DOCK3: variants seen among roughly 807,000 people sequenced by gnomAD.
The protein encoded by DOCK3 is dedicator of cytokinesis protein 3.
Under a neutral mutation model 265.6 loss-of-function variants are expected in DOCK3, and 60 were observed. The observed-to-expected ratio is 0.23, with a 90% confidence interval of 0.18 to 0.28. DOCK3 has a LOEUF of 0.28. Among genes scored for constraint, DOCK3 ranks in the 10% least tolerant of loss-of-function variants. The pLI, the probability that DOCK3 is intolerant of heterozygous loss-of-function variation, is 1.00. For missense variants in DOCK3, 1,981 were observed against 2,594.3 expected (o/e 0.76, Z 5.14); for synonymous variants, 881 against 938.0 (o/e 0.94, Z 1.11).
At chr3:50,792,549 C>T (rs575663729) in intron 2 of DOCK3, among the ~76,000 whole-genome samples, 1 of 152,316 alleles carries the variant, frequency 6.6e-6, no homozygotes, top group East Asian at 1.9e-4. Flanking sequence ...AAGGGGAATG[C>T]TTCCAGCTTT....
chr3:51,089,425 C>G (rs1268166351), intron 8 of DOCK3, 141 bp downstream of exon 8: 2 of 1,042,898 alleles, frequency 1.9e-6, no homozygotes, highest in Non-Finnish European at 2.8e-6. Flanking sequence ...GCTTTGACCT[C>G]TAAACAGTTT....
At chr3:51,165,263 G>C (rs184716946) in intron 12 of DOCK3, among the ~76,000 whole-genome samples, 35 of 152,256 alleles carry the variant, frequency 2.3e-4, no homozygotes, top group South Asian at 1.2e-3. Context: ...TTCTGAAATG[G>C]GTGAAGGCCC....
rs1405131613 is a variant in DOCK3, at chr3:51,383,754, T to G, written c.*2195T>G. 6.6e-6 allele frequency: 1 copy of G among 152,642 alleles called. No homozygotes were observed. Among genetic ancestry groups the G allele is most frequent in the African/African-American group, 2.4e-5 (1 of 41,464 alleles). 9.5% of individuals were successfully genotyped at this position (152,642 alleles called of 1,614,324 possible). A position where few individuals can be genotyped will look rare whatever the true frequency, so the allele number is the denominator to read the frequency against. Reference sequence around the variant, plus strand: ...CAGAGATGAGAACCCTTTGAAAAGATTGTAAAATACTGATTTTCATTCTTT... The same window carrying G: ...CAGAGATGAGAACCCTTTGAAAAGAGTGTAAAATACTGATTTTCATTCTTT... On this transcript the variant is annotated 3_prime_UTR_variant, in exon 53 of 53. Coordinates refer to ENST00000266037, the MANE Select transcript of DOCK3 (RefSeq NM_004947.5).
At chr3:50,895,876 GT>G (rs1559782015) in intron 4 of DOCK3, among the ~76,000 whole-genome samples, 1 of 152,058 alleles carries the variant, frequency 6.6e-6, no homozygotes, top group Admixed American at 6.6e-5. Context: ...ATAGTATTCC[GT>G]GGTGTGTATG....
chr3:51,080,806 T>C (rs188548122), intron 7 of DOCK3, among the ~76,000 whole-genome samples: 6 of 152,136 alleles, frequency 3.9e-5, no homozygotes, highest in Admixed American at 3.9e-4. Context: ...CTCCTGGATA[T>C]AAAATAAAAC....
At chr3:50,937,225 C>T in intron 5 of DOCK3, among the ~76,000 whole-genome samples, 1 of 136,790 alleles carries the variant, frequency 7.3e-6, no homozygotes, top group East Asian at 2.1e-4. Context: ...TTCAGTAAGC[C>T]AAGATTGTGC....
chr3:51,007,118 T>A (rs527685680), intron 5 of DOCK3, among the ~76,000 whole-genome samples: 1 of 152,368 alleles, frequency 6.6e-6, no homozygotes, highest in South Asian at 2.1e-4. Flanking sequence ...GCATGCTTTA[T>A]AATCCGTTGG....
intron 9 of DOCK3, among the ~76,000 whole-genome samples, chr3:51,092,363 A>C (rs2082671509): frequency 6.6e-6 from 1 of 152,184 alleles, no homozygotes; most frequent in Non-Finnish European, 1.5e-5. Flanking sequence ...AGGCTTGAGT[A>C]GGTGGTTTTA....
At chr3:51,174,330 G>C (rs1299509549) in intron 12 of DOCK3, among the ~76,000 whole-genome samples, 1 of 152,106 alleles carries the variant, frequency 6.6e-6, no homozygotes, top group African/African-American at 2.4e-5. Context: ...TTAGCCAGGT[G>C]TGGTGGTTTG....
At chr3:51,201,659 G>T (rs1418181111) in intron 12 of DOCK3, among the ~76,000 whole-genome samples, 1 of 152,044 alleles carries the variant, frequency 6.6e-6, no homozygotes, top group Admixed American at 6.6e-5. Flanking sequence ...ACTCAGCTCC[G>T]CACCAAGCAG....
intron 1 of DOCK3, among the ~76,000 whole-genome samples, chr3:50,773,006 G>C (rs532713759): frequency 6.6e-6 from 1 of 152,140 alleles, no homozygotes; most frequent in South Asian, 2.1e-4. Flanking sequence ...AAAGAAAACA[G>C]CTGGAGGCAT....
chr3:51,038,650 A>G (rs1218576816), intron 5 of DOCK3, among the ~76,000 whole-genome samples: 1 of 152,226 alleles, frequency 6.6e-6, no homozygotes, highest in African/African-American at 2.4e-5. Flanking sequence ...CTGTATAGTG[A>G]TAACTTGGCA....
chr3:50,978,529 G>T (rs1014765740), intron 5 of DOCK3, among the ~76,000 whole-genome samples: 2 of 152,228 alleles, frequency 1.3e-5, no homozygotes, highest in Non-Finnish European at 2.9e-5. Context: ...CGTACTGGGA[G>T]AACCACTGCT....
At chr3:51,053,830 A>AG (rs1351022471) in intron 5 of DOCK3, among the ~76,000 whole-genome samples, 1 of 151,996 alleles carries the variant, frequency 6.6e-6, no homozygotes, top group Admixed American at 6.6e-5. Context: ...TGTTTTTCTT[A>AG]GGGTTAATAA....
chr3:51,284,888 A>C (rs2081324353), intron 27 of DOCK3, among the ~76,000 whole-genome samples: 1 of 152,222 alleles, frequency 6.6e-6, no homozygotes, highest in Non-Finnish European at 1.5e-5. Context: ...GAGTGGCCCT[A>C]GATCACAGAA....
At chr3:50,679,065 G>A (rs1017275671) in intron 1 of DOCK3, among the ~76,000 whole-genome samples, 2 of 152,102 alleles carry the variant, frequency 1.3e-5, no homozygotes, top group African/African-American at 4.8e-5. Context: ...CGCTCGCCTC[G>A]GCCTCCCGAA....
intron 5 of DOCK3, among the ~76,000 whole-genome samples, chr3:50,938,323 T>C (rs1307475280): frequency 1.3e-5 from 2 of 152,150 alleles, no homozygotes; most frequent in Non-Finnish European, 2.9e-5. Flanking sequence ...GTCACTGTTA[T>C]GGTTGGGGAT....
intron 12 of DOCK3, among the ~76,000 whole-genome samples, chr3:51,193,558 T>A (rs1228847497): frequency 5.3e-5 from 8 of 152,174 alleles, no homozygotes. Context: ...CTTTTCTTTC[T>A]CAGGAGGCTT....
chr3:50,861,885 A>T lies in DOCK3; in HGVS notation c.162+20170A>T, dbSNP rs866390613. ...TTTTTTTTTTTAAATACAAATTGCC[A>T]CTCTGTGTCTTTTAAATGTGCCATT... On this transcript the variant is annotated intron_variant, in intron 3 of 52. Coordinates refer to ENST00000266037, the MANE Select transcript of DOCK3 (RefSeq NM_004947.5). Among the ~76,000 whole-genome samples, 139 of 136,506 alleles carry T rather than the reference A, an allele frequency of 1.0e-3. 3 individuals are homozygous for T. The highest frequency in any genetic ancestry group is 1.3e-3 in the Admixed American group (17 of 13,394). 89.6% of individuals were successfully genotyped at this position (136,506 alleles called of 152,430 possible).
Sources: gnomAD v4.1 joint callset for allele counts (sites outside exome capture counted in the v4.1 genomes callset) on GRCh38, gnomAD v4.1.1 for gene constraint, MANE v1.5 for transcripts, NCBI Gene and HGNC (gene_info 2026-07-23, HGNC 2026-07-21) for gene names.